Variants in TTN observed in about 807,000 individuals in gnomAD.
TTN encodes connectin.
Under a neutral mutation model 3,223.0 loss-of-function variants are expected in TTN, and 1,525 were observed. The observed-to-expected ratio is 0.47, with a 90% CI of 0.45 to 0.49. The LOEUF is 0.49. Among genes scored for constraint, TTN ranks in the 20% least tolerant of loss-of-function variants. TTN has a pLI of 0.00. For missense variants in TTN, 40,786 were observed against 43,424.0 expected, an observed-to-expected ratio of 0.94 and a Z score of 5.40; for synonymous variants, 14,094 against 15,161.0, an observed-to-expected ratio of 0.93 and a Z score of 5.17.
chr2:178,587,437 C>G lies in TTN; in HGVS notation c.63794-20G>C. ...GAGTGTCTGTAAAGAATCATAAAATCAGATATACATGTCTCCTCAGCATCC... is the reference window on the plus strand; with the variant it reads ...GAGTGTCTGTAAAGAATCATAAAATGAGATATACATGTCTCCTCAGCATCC... On this transcript the variant is annotated intron_variant, in intron 306 of 362. Transcript: ENST00000589042. The G allele has an allele frequency of 6.2e-7, 1 of 1,600,612 alleles. No homozygotes were observed. Among genetic ancestry groups the G allele is most frequent in the Non-Finnish European group, 8.5e-7 (1 of 1,173,896 alleles).
At position 178,652,633 on chromosome 2, in the gene TTN, T is replaced by G; in HGVS notation, c.39043+20A>C. 6.2e-7 allele frequency: 1 copy of G among 1,609,022 alleles called. No homozygotes were observed. Among genetic ancestry groups the G allele is most frequent in the South Asian group, 1.1e-5 (1 of 90,836 alleles). On this transcript the variant is annotated intron_variant, in intron 201 of 362. Transcript: ENST00000589042. ...GTAGAAGAGATAGATCTTCTGACGC[T>G]TAAACTCAATGACAAATACCTTTAA...
chr2:178,574,932 T>C lies in TTN; in HGVS notation c.71200A>G (p.Ile23734Val). The change falls in exon 326 of 363, where the codon ATC (isoleucine) becomes GTC (valine). Residue 23734 changes from isoleucine (I) to valine (V), a missense_variant. Transcript: ENST00000589042. ...HDIPGPPTGP[I>V]KFDEVSSDFV... ...TCAGATGAAACTTCATCAAATTTGA[T>C]TGGTCCAGTAGGTGGCCCTGGGATA... 1.9e-6 allele frequency: 3 copies of C among 1,613,030 alleles called. No individual in the cohort carries two copies. The highest frequency in any genetic ancestry group is 2.5e-6 in the Non-Finnish European group (3 of 1,179,444).
chr2:178,749,765 C>A, intron 47 of TTN: 4 of 1,612,970 alleles, frequency 2.5e-6, no homozygotes, highest in Non-Finnish European at 3.4e-6. Flanking sequence ...TTGGTGGCTA[C>A]AATTAACTTC....
intron 35 of TTN, 36 bp from the exon 36 acceptor site, chr2:178,770,356 T>C (rs779550377): frequency 9.3e-6 from 15 of 1,614,162 alleles, no homozygotes; most frequent in Non-Finnish European, 1.3e-5. Context: ...GTGATAGGGT[T>C]AACTTAATGG....
In TTN at chr2:178,591,993, C is replaced by T. The variant is rs1261750982; in HGVS notation, c.59911G>A (p.Ala19971Thr). 1 of 1,612,588 alleles carries T rather than the reference C, an allele frequency of 6.2e-7. No individual in the cohort carries two copies. Among genetic ancestry groups the T allele is most frequent in the Non-Finnish European group, 8.5e-7 (1 of 1,179,428 alleles). The change falls in exon 302 of 363, where the codon GCT (alanine) becomes ACT (threonine). Residue 19971 changes from alanine (A) to threonine (T), a missense_variant. By Grantham distance (58) the Ala-to-Thr change is moderately conservative. Transcript: ENST00000589042. ...AGCAACTTACGGAGAGGATCCAAAGCCTTGATTGGTTTTGGTGTTTCAACA... is the reference window on the plus strand; with the variant it reads ...AGCAACTTACGGAGAGGATCCAAAGTCTTGATTGGTTTTGGTGTTTCAACA... ...PFVETPKPIK[A>T]LDPLHPPGPP... is the part of the protein sequence containing the mutation.
Position 178,587,374 on chromosome 2 carries a change from A to C in TTN, c.63837T>G (p.Thr21279=), listed in dbSNP as rs749221889. Residue 21279 remains threonine (T), a synonymous_variant, in exon 307 of 363, where the codon ACT becomes ACG. Transcript: ENST00000589042. ...PVSDLKVSDV[T]KTSCHVSWAP... is the part of the protein sequence containing the mutation. Reference sequence around the variant, plus strand: ...CCCAGGACACATGGCATGATGTTTTAGTGACATCTGAAACTTTTAAATCAG... The same window carrying C: ...CCCAGGACACATGGCATGATGTTTTCGTGACATCTGAAACTTTTAAATCAG... The C allele has an allele frequency of 2.1e-5, 34 of 1,610,332 alleles. No homozygotes were observed. The highest frequency in any genetic ancestry group is 2.8e-5 in the Non-Finnish European group (33 of 1,178,124).
At position 178,632,298 on chromosome 2, in the gene TTN, A is replaced by G. The variant is rs16866423; in HGVS notation, c.43596T>C (p.Asn14532=). Residue 14532 remains asparagine, a synonymous_variant, in exon 236 of 363, where the codon AAT becomes AAC. Transcript: ENST00000589042. ...HDNIRVKWFK[N]DQRLHTTRSV... The stretch of plus-strand genomic sequence containing the variant: ...ACCTGGTGGTGTGTAGGCGCTGGTC[A>G]TTCTTGAACCATTTAACTCGGATGT... The G allele has an allele frequency of 9.3e-3, 14,999 of 1,609,426 alleles. 542 individuals carry two copies. In the East Asian group the frequency reaches 0.13, roughly 14 times the overall value.
In TTN at chr2:178,780,077, ACT is replaced by A. The variant is rs770679470; in HGVS notation, c.3650_3651del (p.Glu1217ValfsTer2). The A allele has an allele frequency of 6.2e-7, 1 of 1,613,354 alleles. No homozygotes were observed. The highest frequency in any genetic ancestry group is 8.5e-7 in the Non-Finnish European group (1 of 1,179,532). ...CTAATTAAGGCTTGTTCTTTTTCATACTCTTTTTCATACTCAGAGTATACAAA... is the reference window on the plus strand; with the variant it reads ...CTAATTAAGGCTTGTTCTTTTTCATACTTTTTCATACTCAGAGTATACAAA... ...PGFVYSEYEK[E>X]YEKEQALIRK... On this transcript the variant is annotated frameshift_variant, in exon 22 of 363. Transcript: ENST00000589042. LOFTEE classifies it high-confidence loss of function.
chr2:178,776,215 T>C lies in TTN; in HGVS notation c.5649A>G (p.Lys1883=). 6.2e-7 allele frequency: 1 copy of C among 1,614,126 alleles called. No homozygotes were observed. Among genetic ancestry groups the C allele is most frequent in the Non-Finnish European group, 8.5e-7 (1 of 1,180,002 alleles). ...NWYLNGQLIR[K]SKRFRVRYDG... ...CATAGCGAACTCTGAACCTTTTGCT[T>C]TTGCGGATGAGCTGTCCATTGAGGT... Residue 1883 remains lysine, a synonymous_variant, in exon 28 of 363, where the codon AAA becomes AAG. Transcript: ENST00000589042.
chr2:178,749,055 T>C, intron 47 of TTN: 1 of 1,612,852 alleles, frequency 6.2e-7, no homozygotes, highest in African/African-American at 1.3e-5. Context: ...GGGTAGTGTA[T>C]CTCTTCACCA....
In TTN at chr2:178,529,192, A is replaced by G; in HGVS notation, c.106559T>C (p.Val35520Ala). The G allele has an allele frequency of 6.6e-7, 1 of 1,508,910 alleles. No homozygotes were observed. The highest frequency in any genetic ancestry group is 8.8e-7 in the Non-Finnish European group (1 of 1,133,728). The allele number at this position is 1,508,910 out of a possible 1,614,324, so 93.5% of individuals were successfully genotyped here. A position where few individuals can be genotyped will look rare whatever the true frequency, so the allele number is the denominator to read the frequency against. The change falls in exon 360 of 363, where the codon GTC becomes GCC. Residue 35520 changes from valine (V) to alanine (A), a missense_variant. Val to Ala is a moderately conservative substitution (Grantham distance 64). Transcript: ENST00000589042. ...KAIKDTEAQK[V>A]STQKTSEITP... ...AATTTCAGAAGTCTTTTGTGTAGAG[A>G]CTTTCTGTGCCTCAGTATCTTTTAT... is the stretch of plus-strand genomic sequence containing the variant.
chr2:178,718,470 T>C lies in TTN; in HGVS notation c.24636A>G (p.Ser8212=), dbSNP rs1553903322. Residue 8212 remains serine, a synonymous_variant, in exon 85 of 363, where the codon TCA becomes TCG. Transcript: ENST00000589042. ...VSWIKDEYLI[S]QSERCSITMT... Reference sequence around the variant, plus strand: ...TAGTAATACTGCATCTCTCAGATTGTGAAATAAGATACTCGTCCTTTATCC... The same window carrying C: ...TAGTAATACTGCATCTCTCAGATTGCGAAATAAGATACTCGTCCTTTATCC... 1.2e-6 allele frequency: 2 copies of C among 1,613,736 alleles called. No homozygotes were observed. The highest frequency in any genetic ancestry group is 1.7e-6 in the Non-Finnish European group (2 of 1,179,732).
chr2:178,562,642 T>C lies in TTN; in HGVS notation c.83490A>G (p.Leu27830=), dbSNP rs1704116661. Residue 27830 remains leucine, a synonymous_variant, in exon 326 of 363, where the codon CTA becomes CTG. Transcript: ENST00000589042. ...GGAAGTAGTAAGAACATCCTTCTTG[T>C]AGATTTTCAATTCTGAAAGTAGTTT... ...CTKTTFRIEN[L]QEGCSYYFRV... 1 of 1,602,532 alleles carries C rather than the reference T, an allele frequency of 6.2e-7. No homozygotes were observed. Among genetic ancestry groups the C allele is most frequent in the Non-Finnish European group, 8.5e-7 (1 of 1,176,224 alleles).
chr2:178,667,186 T>G, intron 162 of TTN, 50 bp downstream of exon 162: 1 of 1,445,920 alleles, frequency 6.9e-7, no homozygotes, highest in South Asian at 1.3e-5. Flanking sequence ...TTTTGCAGAC[T>G]GAAGACAGTA....
At chr2:178,626,606 G>T (rs1246899536) in intron 240 of TTN, among the ~76,000 whole-genome samples, 1 of 151,892 alleles carries the variant, frequency 6.6e-6, no homozygotes, top group Admixed American at 6.6e-5. Context: ...AACTGGGCAT[G>T]GTTAGTCACA....
Position 178,546,399 on chromosome 2 carries a change from T to G in TTN, c.94932A>C (p.Glu31644Asp), listed in dbSNP as rs1281349835. ...VLDAAVGGKP[E>D]PKIIWTKGDK... ...CTCCTTTGGTCCAGATAATTTTGGG[T>G]TCAGGTTTGCCACCAACTGCAGCAT... The change falls in exon 342 of 363, where the codon GAA becomes GAC. Residue 31644 changes from glutamate (E) to aspartate (D), a missense_variant. Transcript: ENST00000589042. The G allele has an allele frequency of 1.9e-5, 30 of 1,613,670 alleles. No individual in the cohort carries two copies. The highest frequency in any genetic ancestry group is 2.5e-5 in the Non-Finnish European group (29 of 1,179,758).
At chr2:178,800,167 T>C (rs2093986854) in intron 4 of TTN, among the ~76,000 whole-genome samples, 2 of 152,238 alleles carry the variant, frequency 1.3e-5, no homozygotes, top group South Asian at 4.1e-4. Context: ...GATCACTTAA[T>C]TGAAACCCTT....
Position 178,633,445 on chromosome 2 carries a change from G to A in TTN, c.42914C>T (p.Thr14305Ile). The change falls in exon 232 of 363, where the codon ACA becomes ATA. Residue 14305 changes from threonine to isoleucine, a missense_variant. Thr to Ile is a moderately conservative substitution (Grantham distance 89, BLOSUM62 -1). Transcript: ENST00000589042. ...DKGEYVCDCG[T>I]DKTKANVTVE... ...AGTAACATTTGCCTTGGTCTTGTCT[G>A]TGCCACAGTCACACACATATTCGCC... is the stretch of plus-strand genomic sequence containing the variant. 2 of 1,613,358 alleles carry A rather than the reference G, an allele frequency of 1.2e-6. No homozygotes were observed. The highest frequency in any genetic ancestry group is 1.7e-6 in the Non-Finnish European group (2 of 1,179,578).
chr2:178,676,967 A>G (rs1003505582), intron 147 of TTN, among the ~76,000 whole-genome samples: 13 of 151,792 alleles, frequency 8.6e-5, no homozygotes, highest in African/African-American at 3.1e-4. Flanking sequence ...ATGATATGAA[A>G]TCAGAACTTT....
Sources: gnomAD v4.1 joint callset for allele counts (sites outside exome capture counted in the v4.1 genomes callset) on GRCh38, gnomAD v4.1.1 for gene constraint, MANE v1.5 for transcripts, NCBI Gene and HGNC (gene_info 2026-07-23, HGNC 2026-07-21) for gene names.